The following DPYD variants were observed in gnomAD, a reference collection of about 807,000 sequenced individuals.
The protein encoded by DPYD is dihydropyrimidine dehydrogenase [NADP(+)].
A neutral mutation model predicts 116.2 loss-of-function variants in DPYD; 109 were observed. That is an observed-to-expected ratio of 0.94 (90% CI 0.80 to 1.10). The LOEUF (loss-of-function observed/expected upper bound fraction) is 1.10. Ranked by LOEUF, DPYD falls within the 50% of genes least tolerant of loss-of-function variation. DPYD has a pLI of 0.00. For synonymous variants in DPYD, 440 were observed against 432.0 expected (o/e 1.02, Z -0.23); for missense variants, 1,302 against 1,254.5 (o/e 1.04, Z -0.57).
intron 13 of DPYD, among the ~76,000 whole-genome samples, 161 bp from the exon 14 acceptor site, chr1:97,450,384 T>C (rs1325406438): frequency 6.6e-6 from 1 of 152,192 alleles, no homozygotes; most frequent in African/African-American, 2.4e-5. Context: ...CATAAACTAC[T>C]TGCAAATAAA....
At chr1:97,550,772 C>T (rs945982801) in intron 11 of DPYD, among the ~76,000 whole-genome samples, 3 of 152,178 alleles carry the variant, frequency 2.0e-5, no homozygotes, top group African/African-American at 7.2e-5. Flanking sequence ...GATTTTGGAA[C>T]AGAAAAGTTA....
intron 5 of DPYD, among the ~76,000 whole-genome samples, chr1:97,705,154 T>C (rs939173944): frequency 1.3e-5 from 2 of 151,998 alleles, no homozygotes; most frequent in Non-Finnish European, 2.9e-5. Flanking sequence ...AATTATACTT[T>C]AAGTTTTAAG....
intron 10 of DPYD, among the ~76,000 whole-genome samples, chr1:97,579,369 A>G (rs1441885417): frequency 6.6e-6 from 1 of 152,224 alleles, no homozygotes; most frequent in Non-Finnish European, 1.5e-5. Flanking sequence ...ATACTGAGTG[A>G]ATGGCTATTA....
chr1:97,894,756 A>G (rs1295428687), intron 1 of DPYD, among the ~76,000 whole-genome samples: 1 of 151,682 alleles, frequency 6.6e-6, no homozygotes, highest in Non-Finnish European at 1.5e-5. Context: ...ACACTTATAA[A>G]GAGATATCAA....
At chr1:97,087,473 C>T (rs577543419) in intron 21 of DPYD, among the ~76,000 whole-genome samples, 29 of 152,102 alleles carry the variant, frequency 1.9e-4, no homozygotes, top group South Asian at 6.3e-4. Context: ...GATTGGCCGG[C>T]GAGGGTGAGA....
chr1:97,551,670 A>G (rs2102093448), intron 11 of DPYD, among the ~76,000 whole-genome samples: 1 of 152,230 alleles, frequency 6.6e-6, no homozygotes, highest in African/African-American at 2.4e-5. Context: ...ATTTCATTCT[A>G]TGCTTGAGCA....
At chr1:97,358,151 C>T (rs1355196484) in intron 16 of DPYD, among the ~76,000 whole-genome samples, 1 of 152,248 alleles carries the variant, frequency 6.6e-6, no homozygotes, top group Non-Finnish European at 1.5e-5. Context: ...GAGATTATAT[C>T]CTGCGCCTGG....
chr1:97,161,842 A>AT (rs1275706276), intron 20 of DPYD, among the ~76,000 whole-genome samples: 4 of 149,864 alleles, frequency 2.7e-5, no homozygotes, highest in Admixed American at 6.7e-5. Context: ...TGTCCTTGCG[A>AT]TAGTTTACTG....
intron 15 of DPYD, among the ~76,000 whole-genome samples, chr1:97,378,852 G>A (rs1671778714): frequency 1.3e-5 from 2 of 152,174 alleles, no homozygotes; most frequent in African/African-American, 4.8e-5. Flanking sequence ...TGACACAACT[G>A]TTAATCACCA....
chr1:97,776,965 A>G (rs570513718), intron 3 of DPYD, among the ~76,000 whole-genome samples: 2 of 152,336 alleles, frequency 1.3e-5, no homozygotes, highest in South Asian at 2.1e-4. Context: ...CAAAGCTACA[A>G]ACGTGAGTTT....
chr1:97,593,098 C>T, intron 10 of DPYD, 120 bp downstream of exon 10: 1 of 1,182,120 alleles, frequency 8.5e-7, no homozygotes, highest in South Asian at 1.3e-5. Flanking sequence ...TATGTGTAGC[C>T]CTGAAATTTT....
intron 3 of DPYD, among the ~76,000 whole-genome samples, chr1:97,806,395 C>T (rs773327104): frequency 2.0e-5 from 3 of 151,808 alleles, no homozygotes; most frequent in Non-Finnish European, 4.4e-5. Context: ...TTTGTGTTTT[C>T]CTGATGACTA....
intron 6 of DPYD, among the ~76,000 whole-genome samples, chr1:97,695,260 A>T (rs992646092): frequency 8.6e-5 from 13 of 151,838 alleles, no homozygotes; most frequent in African/African-American, 2.2e-4. Flanking sequence ...TGTTTTAATC[A>T]TTTTTTGTTT....
chr1:97,880,548 T>C (rs776532469), intron 2 of DPYD, among the ~76,000 whole-genome samples: 1 of 151,762 alleles, frequency 6.6e-6, no homozygotes, highest in Non-Finnish European at 1.5e-5. Context: ...GAGAAATTCA[T>C]GAATGTCACA....
intron 9 of DPYD, among the ~76,000 whole-genome samples, chr1:97,593,803 A>G (rs149632893): frequency 3.3e-4 from 51 of 152,286 alleles, no homozygotes; most frequent in African/African-American, 1.2e-3. Context: ...ATACTTTTTT[A>G]TGTATTACCT....
chr1:97,882,668 C>T lies in DPYD; in HGVS notation c.150+596G>A, dbSNP rs370961163. ...ATCCGATCTATGGTGTCAGTTTCAG[C>T]TCTATAATCACCTCCTATATACAGT... On this transcript the variant is annotated intron_variant, in intron 2 of 22. Coordinates refer to ENST00000370192, the MANE Select transcript of DPYD (RefSeq NM_000110.4). Among the ~76,000 whole-genome samples the T allele has an allele frequency of 1.6e-4, 24 of 152,120 alleles. No homozygotes were observed. In the South Asian group the frequency reaches 4.4e-3, roughly 28 times the overall value.
At chr1:97,095,534 T>C (rs1047564700) in intron 21 of DPYD, among the ~76,000 whole-genome samples, 2 of 151,726 alleles carry the variant, frequency 1.3e-5, no homozygotes, top group Non-Finnish European at 2.9e-5. Context: ...AATCTTATGG[T>C]AGAAAAGGTT....
intron 8 of DPYD, among the ~76,000 whole-genome samples, chr1:97,623,804 A>G (rs1382437080): frequency 6.6e-6 from 1 of 152,054 alleles, no homozygotes; most frequent in African/African-American, 2.4e-5. Flanking sequence ...AAGGGAACAG[A>G]GTAGAGCATC....
intron 3 of DPYD, among the ~76,000 whole-genome samples, chr1:97,777,796 T>C (rs188353181): frequency 5.0e-4 from 76 of 152,244 alleles, no homozygotes; most frequent in African/African-American, 1.8e-3. Context: ...GTAGCCATTA[T>C]GTACTAACCT....
Sources: gnomAD v4.1 joint callset for allele counts (sites outside exome capture counted in the v4.1 genomes callset) on GRCh38, gnomAD v4.1.1 for gene constraint, MANE v1.5 for transcripts, NCBI Gene and HGNC (gene_info 2026-07-23, HGNC 2026-07-21) for gene names.